Variants in CYP2A6 observed in about 807,000 individuals in gnomAD.
CYP2A6 encodes cytochrome P450 2A6.
In CYP2A6, 27 loss-of-function variants were observed where a neutral mutation model predicts 42.3. The observed-to-expected ratio is 0.64, with a 90% CI of 0.47 to 0.88. The LOEUF (loss-of-function observed/expected upper bound fraction) is 0.88, where lower values mean the gene tolerates loss of function less well. Among genes scored for constraint, CYP2A6 ranks in the 40% least tolerant of loss-of-function variants. The probability of loss-of-function intolerance (pLI) is 0.00; values close to 1 mark genes in which losing one functional copy is unlikely to be tolerated. For missense variants in CYP2A6, 628 were observed against 646.0 expected (o/e 0.97, Z 0.30); for synonymous variants, 238 against 246.3 (o/e 0.97, Z 0.31).
Position 40,849,088 on chromosome 19 carries a change from G to C in CYP2A6, c.344-325C>G, listed in dbSNP as rs72549437. The stretch of plus-strand genomic sequence containing the variant: ...AGAGAGAGAGAGAGAGAGAGAGAGA[G>C]ACCAGGTTTAAAGAATAAGACAATC... On this transcript the variant is annotated intron_variant, in intron 2 of 8. Transcript: ENST00000301141. Among the ~76,000 whole-genome samples the C allele has an allele frequency of 1.9e-3, 274 of 142,944 alleles. 5 individuals carry two copies. Among genetic ancestry groups the C allele is most frequent in the African/African-American group, 6.9e-3 (259 of 37,338 alleles). 93.8% of individuals were successfully genotyped at this position (142,944 alleles called of 152,430 possible). A position where few individuals can be genotyped will look rare whatever the true frequency, so the allele number is the denominator to read the frequency against.
chr19:40,849,993 G>A lies in CYP2A6; in HGVS notation c.181-13C>T, dbSNP rs774750747. On this transcript the variant is annotated splice_polypyrimidine_tract_variant and intron_variant, in intron 1 of 8. Coordinates refer to ENST00000301141, the MANE Select transcript of CYP2A6 (RefSeq NM_000762.6). ...AGCGCTCACTGATCTGATGGAGGTG[G>A]GTGGGAGTGGTTAGAGGGAGAAGCC... The A allele has an allele frequency of 1.6e-5, 26 of 1,609,914 alleles. No individual in the cohort carries two copies. Among genetic ancestry groups the A allele is most frequent in the Middle Eastern group, 1.7e-4 (1 of 6,032 alleles).
chr19:40,845,193 A>C (rs746999637), intron 7 of CYP2A6, 101 bp downstream of exon 7: 3 of 1,460,618 alleles, frequency 2.1e-6, no homozygotes, highest in Non-Finnish European at 2.9e-6. Context: ...TGATTGAGGG[A>C]GTGGGACAGG....
Position 40,849,021 on chromosome 19 carries a change from G to GGAGAGAGAGAGAGA in CYP2A6, c.344-272_344-259dup, listed in dbSNP as rs1193510304. On this transcript the variant is annotated intron_variant, in intron 2 of 8. Transcript: ENST00000301141. ...GAGAGAGAGAGAGAGAAGAGAGAGA[G>GGAGAGAGAGAGAGA]GAGAGAGAGAGAGAAGAGAGAGAGG... is the stretch of plus-strand genomic sequence containing the variant. Among the ~76,000 whole-genome samples the GGAGAGAGAGAGAGA allele has an allele frequency of 7.8e-4, 39 of 50,094 alleles. 3 individuals are homozygous for GGAGAGAGAGAGAGA. Among genetic ancestry groups the GGAGAGAGAGAGAGA allele is most frequent in the African/African-American group, 2.9e-3 (32 of 11,194 alleles). The allele number at this position is 50,094 out of a possible 152,430, so 32.9% of individuals were successfully genotyped here. A position where few individuals can be genotyped will look rare whatever the true frequency, so the allele number is the denominator to read the frequency against.
In CYP2A6 at chr19:40,843,674, C is replaced by G; in HGVS notation, c.*122G>C. 11 of 1,212,062 alleles carry G rather than the reference C, an allele frequency of 9.1e-6. 1 individual carries two copies. Among genetic ancestry groups the G allele is most frequent in the Non-Finnish European group, 1.2e-5 (11 of 903,408 alleles). The allele number at this position is 1,212,062 out of a possible 1,614,324, so 75.1% of individuals were successfully genotyped here. On this transcript the variant is annotated 3_prime_UTR_variant, in exon 9 of 9. Coordinates refer to ENST00000301141, the MANE Select transcript of CYP2A6 (RefSeq NM_000762.6). ...CTGTTTCTTCTCTTCCCTCTAGCCA[C>G]CACGCCCCTTCCTTTCCGCCATCCT... is the stretch of plus-strand genomic sequence containing the variant.
rs1194609386 is a variant in CYP2A6 at position 40,845,299 on chromosome 19, G to A, written c.1156C>T (p.Pro386Ser). Reference sequence around the variant, plus strand: ...GGGGTGGGGGCGGATAGCACCTTAGGGAGGAAGAAATCCCGAAACTTGGTG... The same window carrying A: ...GGGGTGGGGGCGGATAGCACCTTAGAGAGGAAGAAATCCCGAAACTTGGTG... Reference protein sequence around the residue: ...KDTKFRDFFLPKGTEVYPMLG... With the variant: ...KDTKFRDFFLSKGTEVYPMLG... Residue 386 changes from proline to serine, a missense_variant, in exon 7 of 9, where the codon CCT becomes TCT. This residue lies in a region of CYP2A6 where 606 missense variants were observed against 568.1 expected (regional missense o/e 1.07). Transcript: ENST00000301141. 6.2e-7 allele frequency: 1 copy of A among 1,611,504 alleles called. No homozygotes were observed. Among genetic ancestry groups the A allele is most frequent in the African/African-American group, 1.3e-5 (1 of 74,518 alleles).
In CYP2A6 at chr19:40,848,294, A is replaced by G. The variant is rs762105076; in HGVS notation, c.579T>C (p.Tyr193=). ...ACAGTGACAGGAACTCTTTGTCCTT[A>G]TAGTCAAAGCGGTCCCCAAAGACAA... The part of the protein sequence containing the change: ...SSIVFGDRFD[Y]KDKEFLSLLR... Residue 193 remains tyrosine, a synonymous_variant, in exon 4 of 9, where the codon TAT becomes TAC. Transcript: ENST00000301141. 159 of 1,611,798 alleles carry G rather than the reference A, an allele frequency of 9.9e-5. 2 individuals carry two copies. Among genetic ancestry groups the G allele is most frequent in the Non-Finnish European group, 1.3e-4 (151 of 1,179,960 alleles).
rs780656395 is a variant in CYP2A6, at chr19:40,843,953, C to A, written c.1328G>T (p.Gly443Val). The A allele has an allele frequency of 1.2e-6, 2 of 1,608,606 alleles. No homozygotes were observed. The highest frequency in any genetic ancestry group is 4.6e-5 in the East Asian group (2 of 43,558). The change falls in exon 9 of 9, where the codon GGC becomes GTC. Residue 443 changes from glycine to valine, a missense_variant. This residue lies in a region of CYP2A6 where 22 missense variants were observed against 77.8 expected (regional missense o/e 0.28). Transcript: ENST00000301141. ...SIGKRNCFGEGLARMELFLFF... is the reference protein window; with the variant it reads ...SIGKRNCFGEVLARMELFLFF... ...GAGAAAGAGCTCCATTCTGGCCAGG[C>A]CTTCTCCGAAACAGTTCCGCTTTCC...
chr19:40,849,043 GA>G (rs1568516230), intron 2 of CYP2A6, among the ~76,000 whole-genome samples: 1 of 32,028 alleles, frequency 3.1e-5, no homozygotes, highest in Non-Finnish European at 6.9e-5. Flanking sequence ...AGAAGAGAGA[GA>G]GGAGAGAGAG....
At chr19:40,846,642 G>A (rs1366810573) in intron 5 of CYP2A6, among the ~76,000 whole-genome samples, 1 of 151,526 alleles carries the variant, frequency 6.6e-6, no homozygotes, top group Non-Finnish European at 1.5e-5. Flanking sequence ...TAGAGACGGG[G>A]TTTGACCATG....
chr19:40,843,612 G>C lies in CYP2A6; in HGVS notation c.*184C>G, dbSNP rs113777046. 154,969 of 782,190 alleles carry C rather than the reference G, an allele frequency of 0.2. 22 individuals are homozygous for C. The highest frequency in any genetic ancestry group is 0.24 in the Non-Finnish European group (133,017 of 554,388). 48.5% of individuals were successfully genotyped at this position (782,190 alleles called of 1,614,324 possible). On this transcript the variant is annotated 3_prime_UTR_variant, in exon 9 of 9. Transcript: ENST00000301141. ...TAAGGGTTTCCTTCCTCTCATCCCA[G>C]CTCGGAAGCACCTTATCAAGGTGAA... is the stretch of plus-strand genomic sequence containing the variant.
rs1967199640 is a variant in CYP2A6 at position 40,850,362 on chromosome 19, G to C, written c.65C>G (p.Ser22Cys). The C allele has an allele frequency of 1.2e-6, 2 of 1,610,234 alleles. No homozygotes were observed. The highest frequency in any genetic ancestry group is 8.5e-7 in the Non-Finnish European group (1 of 1,178,900). The change falls in exon 1 of 9, where the codon TCT (serine) becomes TGT (cysteine). Residue 22 changes from serine to cysteine, a missense_variant. Physicochemically the swap from Ser to Cys is moderately radical, Grantham distance 112 (BLOSUM62 -1). This residue lies in a region of CYP2A6 where 606 missense variants were observed against 568.1 expected (regional missense o/e 1.07). Coordinates refer to ENST00000301141, the MANE Select transcript of CYP2A6 (RefSeq NM_000762.6). ...LVCLTVMVLM[S>C]VWQQRKSKGK... ...CTTGCTCTTCCTCTGCTGCCAAACA[G>C]ACATCAAGACCATTACAGTCAGGCA... is the stretch of plus-strand genomic sequence containing the variant.
intron 2 of CYP2A6, 70 bp from the exon 3 acceptor site, chr19:40,848,833 G>A: frequency 1.3e-6 from 2 of 1,536,918 alleles, no homozygotes; most frequent in Non-Finnish European, 8.8e-7. Context: ...CAGCTCCAAG[G>A]GGCTCCCCAA....
intron 7 of CYP2A6, 98 bp from the exon 8 acceptor site, chr19:40,844,870 G>A: frequency 1.4e-6 from 2 of 1,466,700 alleles, no homozygotes; most frequent in Non-Finnish European, 1.8e-6. Context: ...CCAGGTAAGG[G>A]GAAGTGGCAG....
Position 40,849,902 on chromosome 19 carries a change from C to T in CYP2A6, c.259G>A (p.Val87Ile), listed in dbSNP as rs143067113. ...RVVVLCGHDAVREALVDQAEE... is the reference protein window; with the variant it reads ...RVVVLCGHDAIREALVDQAEE... ...GCCTGGTCCACCAGAGCCTCCCTGA[C>T]GGCATCATGTCCACACAGCACCACG... is the stretch of plus-strand genomic sequence containing the variant. Residue 87 changes from valine to isoleucine, a missense_variant, in exon 2 of 9, where the codon GTC (valine) becomes ATC (isoleucine). Val to Ile is a conservative substitution (Grantham distance 29). Coordinates refer to ENST00000301141, the MANE Select transcript of CYP2A6 (RefSeq NM_000762.6). 4.7e-5 allele frequency: 76 copies of T among 1,611,598 alleles called. No individual in the cohort carries two copies. Among genetic ancestry groups the T allele is most frequent in the African/African-American group, 9.4e-5 (7 of 74,726 alleles).
chr19:40,844,599 C>T, intron 8 of CYP2A6, 32 bp downstream of exon 8: 1 of 1,610,826 alleles, frequency 6.2e-7, no homozygotes, highest in Middle Eastern at 1.7e-4. Flanking sequence ...CTGGTGTGAG[C>T]CGTGGCCTGG....
intron 7 of CYP2A6, 170 bp from the exon 8 acceptor site, chr19:40,844,942 G>A: frequency 1.1e-6 from 1 of 879,792 alleles, no homozygotes; most frequent in Non-Finnish European, 1.7e-6. Flanking sequence ...TCACATCTCT[G>A]AAACAGGAAG....
In CYP2A6 at chr19:40,849,011, A is replaced by AGAC. The variant is rs1332332247; in HGVS notation, c.344-249_344-248insGTC. ...AGGAGAGAGAGAGAGAGAGAGAGAGAAGAGAGAGAGGAGAGAGAGAGAGAA... is the reference window on the plus strand; with the variant it reads ...AGGAGAGAGAGAGAGAGAGAGAGAGAGACAGAGAGAGAGGAGAGAGAGAGAGAA... On this transcript the variant is annotated intron_variant, in intron 2 of 8. Coordinates refer to ENST00000301141, the MANE Select transcript of CYP2A6 (RefSeq NM_000762.6). Among the ~76,000 whole-genome samples the AGAC allele has an allele frequency of 3.7e-4, 19 of 50,752 alleles. 1 individual carries two copies. The highest frequency in any genetic ancestry group is 1.5e-3 in the South Asian group (2 of 1,378). 33.3% of individuals were successfully genotyped at this position (50,752 alleles called of 152,430 possible).
Position 40,849,971 on chromosome 19 carries a change from G to T in CYP2A6, c.190C>A (p.Arg64Ser), listed in dbSNP as rs199515342. 1.9e-6 allele frequency: 3 copies of T among 1,599,578 alleles called. No individual in the cohort carries two copies. The highest frequency in any genetic ancestry group is 2.2e-5 in the South Asian group (2 of 90,600). Residue 64 changes from arginine (R) to serine (S), a missense_variant, in exon 2 of 9, where the codon CGC (arginine) becomes AGC (serine). This residue lies in a region of CYP2A6 where 606 missense variants were observed against 568.1 expected (regional missense o/e 1.07). Coordinates refer to ENST00000301141, the MANE Select transcript of CYP2A6 (RefSeq NM_000762.6). ...MYNSLMKISE[R>S]YGPVFTIHLG... The stretch of plus-strand genomic sequence containing the variant: ...TGAATGGTGAACACGGGGCCATAGC[G>T]CTCACTGATCTGATGGAGGTGGGTG...
At chr19:40,847,856 C>G (rs1040055376) in intron 4 of CYP2A6, among the ~76,000 whole-genome samples, 19 of 151,694 alleles carry the variant, frequency 1.3e-4, no homozygotes, top group African/African-American at 3.9e-4. Flanking sequence ...GGCCGGTTGA[C>G]GCAGTCACTT....
Sources: gnomAD v4.1 joint callset for allele counts (sites outside exome capture counted in the v4.1 genomes callset) on GRCh38, gnomAD v4.1.1 for gene constraint, gnomAD v4.1.1 regional missense constraint, MANE v1.5 for transcripts, NCBI Gene and HGNC (gene_info 2026-07-23, HGNC 2026-07-21) for gene names.